TTYH2: variants seen among roughly 807,000 people sequenced by gnomAD.
TTYH2 encodes the protein tweety family member 2, also known as protein tweety homolog 2.
TTYH2 carries 49 observed loss-of-function variants against 68.3 expected under a neutral mutation model. The ratio of observed to expected loss-of-function variants is 0.72; its 90% CI spans 0.57 to 0.91. The LOEUF (loss-of-function observed/expected upper bound fraction) is 0.91, where lower values mean the gene tolerates loss of function less well. Ranked by LOEUF, TTYH2 falls within the 40% of genes least tolerant of loss-of-function variation. TTYH2 has a pLI of 0.00. For missense variants in TTYH2, 631 were observed against 700.4 expected, an observed-to-expected ratio of 0.90 and a Z score of 1.12; for synonymous variants, 272 against 300.8, an observed-to-expected ratio of 0.90 and a Z score of 0.99.
In TTYH2 at chr17:74,215,170, CGTGTGTGTGTGTGTGT is replaced by C. The variant is rs5822029; in HGVS notation, c.129+1473_129+1488del. ...AGGCGGATATGATTTCAGAAACAGC[CGTGTGTGTGTGTGTGT>C]GTGTGTGTGTGTGTGTGTCCCCATC... On this transcript the variant is annotated intron_variant, in intron 1 of 13. Coordinates refer to ENST00000269346, the MANE Select transcript of TTYH2 (RefSeq NM_032646.6). The surrounding 1 kb of genome is among the most constrained non-coding windows in gnomAD (Gnocchi z 4.3). Among the ~76,000 whole-genome samples, 25 of 147,384 alleles carry C rather than the reference CGTGTGTGTGTGTGTGT, an allele frequency of 1.7e-4. No individual in the cohort carries two copies. The highest frequency in any genetic ancestry group is 1.5e-3 in the Admixed American group (22 of 14,762).
At chr17:74,230,228 T>G (rs1347082405) in intron 2 of TTYH2, among the ~76,000 whole-genome samples, 1 of 151,938 alleles carries the variant, frequency 6.6e-6, no homozygotes, top group Non-Finnish European at 1.5e-5. Flanking sequence ...CCCTGTATGA[T>G]ATGGTAATGG....
chr17:74,227,983 C>CTTTCTTT (rs2050348209), intron 2 of TTYH2, among the ~76,000 whole-genome samples: 1 of 112,558 alleles, frequency 8.9e-6, no homozygotes, highest in African/African-American at 4.6e-5. Flanking sequence ...TCTTTTCTTT[C>CTTTCTTT]TTTTTTTTTT....
rs2050210539 is a variant in TTYH2, at chr17:74,215,183, G to A, written c.129+1467G>A. 6.6e-6 allele frequency among the ~76,000 whole-genome samples: 1 copy of A among 151,868 alleles called. No homozygotes were observed. The highest frequency in any genetic ancestry group is 2.1e-4 in the South Asian group (1 of 4,822). On this transcript the variant is annotated intron_variant, in intron 1 of 13. Transcript: ENST00000269346. This position sits in a 1 kb window ranked among gnomAD's most constrained non-coding sequence, Gnocchi z 4.3. ...TTCAGAAACAGCCGTGTGTGTGTGTGTGTGTGTGTGTGTGTGTGTGTCCCC... is the reference window on the plus strand; with the variant it reads ...TTCAGAAACAGCCGTGTGTGTGTGTATGTGTGTGTGTGTGTGTGTGTCCCC...
chr17:74,247,713 G>C (rs576463889), intron 6 of TTYH2, among the ~76,000 whole-genome samples: 2 of 152,206 alleles, frequency 1.3e-5, no homozygotes, highest in Non-Finnish European at 2.9e-5. Context: ...CTCCAGCCAG[G>C]GGGTGGGGGC....
intron 13 of TTYH2, among the ~76,000 whole-genome samples, chr17:74,257,146 G>C (rs2050701317): frequency 1.3e-5 from 2 of 152,210 alleles, no homozygotes; most frequent in Non-Finnish European, 2.9e-5. Flanking sequence ...AAATAAAAAT[G>C]ATTTTCAGAT....
intron 2 of TTYH2, among the ~76,000 whole-genome samples, chr17:74,229,062 G>A (rs1023936349): frequency 2.6e-5 from 4 of 152,138 alleles, no homozygotes; most frequent in African/African-American, 9.7e-5. Context: ...GGTTTAAGGA[G>A]GCAGGTGTCA....
chr17:74,260,309 C>T lies in TTYH2; in HGVS notation c.*100C>T. The T allele has an allele frequency of 1.6e-6, 2 of 1,240,784 alleles. No homozygotes were observed. The highest frequency in any genetic ancestry group is 2.3e-6 in the Non-Finnish European group (2 of 858,026). 76.9% of individuals were successfully genotyped at this position (1,240,784 alleles called of 1,614,324 possible). On this transcript the variant is annotated 3_prime_UTR_variant, in exon 14 of 14. Coordinates refer to ENST00000269346, the MANE Select transcript of TTYH2 (RefSeq NM_032646.6). Reference sequence around the variant, plus strand: ...AATAGAAACCAAAGGCATCTGGAGCCCGAGAGGCCTCCTGCTGTGGCAGAG... The same window carrying T: ...AATAGAAACCAAAGGCATCTGGAGCTCGAGAGGCCTCCTGCTGTGGCAGAG...
At chr17:74,248,287 G>A in intron 6 of TTYH2, 1 of 985,738 alleles carries the variant, frequency 1.0e-6, no homozygotes, top group Non-Finnish European at 1.2e-6. Context: ...GGGTGCGCCT[G>A]GCTTGGAGGC....
rs35094921 is a variant in TTYH2, at chr17:74,259,965, T to G, written c.1525-164T>G. The stretch of plus-strand genomic sequence containing the variant: ...AGCTGGTCTGTGTGTGCATTTTTTA[T>G]TTGAGGCTGGGAGGCAGAAGTCTTG... On this transcript the variant is annotated intron_variant, in intron 13 of 13. Transcript: ENST00000269346. 0.12 allele frequency among the ~76,000 whole-genome samples: 18,108 copies of G among 152,134 alleles called. 1,302 individuals carry two copies. Among genetic ancestry groups the G allele is most frequent in the Non-Finnish European group, 0.15 (10,478 of 67,996 alleles).
chr17:74,232,453 A>C lies in TTYH2; in HGVS notation c.414+1454A>C, dbSNP rs2143739985. Among the ~76,000 whole-genome samples, 1 of 152,290 alleles carries C rather than the reference A, an allele frequency of 6.6e-6. No individual in the cohort carries two copies. Among genetic ancestry groups the C allele is most frequent in the African/African-American group, 2.4e-5 (1 of 41,574 alleles). On this transcript the variant is annotated intron_variant, in intron 3 of 13. Coordinates refer to ENST00000269346, the MANE Select transcript of TTYH2 (RefSeq NM_032646.6). The surrounding 1 kb of genome is among the most constrained non-coding windows in gnomAD (Gnocchi z 5.1). ...AGCTGAGCGCTGAGTCCCAGTGCGG[A>C]GATGCTAGTCTGGAACAGCCTTGCG...
chr17:74,235,359 A>G (rs1472328085), intron 3 of TTYH2, among the ~76,000 whole-genome samples: 5 of 152,148 alleles, frequency 3.3e-5, no homozygotes, highest in Non-Finnish European at 5.9e-5. Context: ...AGTGTGGATT[A>G]GTGCACACTG....
chr17:74,220,965 T>C (rs1023893129), intron 1 of TTYH2, among the ~76,000 whole-genome samples: 2 of 152,156 alleles, frequency 1.3e-5, no homozygotes, highest in African/African-American at 2.4e-5. Context: ...TTTTTATTTT[T>C]TATTTTTTTG....
At chr17:74,224,881 C>T (rs932980716) in intron 2 of TTYH2, among the ~76,000 whole-genome samples, 2 of 152,114 alleles carry the variant, frequency 1.3e-5, no homozygotes, top group African/African-American at 4.8e-5. Context: ...TGCCTGTAAC[C>T]TCAGCTACTT....
chr17:74,244,042 C>A lies in TTYH2; in HGVS notation c.797C>A (p.Ala266Glu), dbSNP rs369516993. Residue 266 changes from alanine to glutamate, a missense_variant, in exon 6 of 14, where the codon GCG becomes GAG. Transcript: ENST00000269346. ...SWASLAADGS[A>E]AVATSDFCVA... ...GCATCCCTGGCCGCTGATGGCTCTGCGGCAGTGGTGAGTTGGGGGAGGGAG... is the reference window on the plus strand; with the variant it reads ...GCATCCCTGGCCGCTGATGGCTCTGAGGCAGTGGTGAGTTGGGGGAGGGAG... 11 of 1,610,848 alleles carry A rather than the reference C, an allele frequency of 6.8e-6. No individual in the cohort carries two copies. The highest frequency in any genetic ancestry group is 8.5e-6 in the Non-Finnish European group (10 of 1,179,620).
At chr17:74,221,881 C>T (rs980143335) in intron 1 of TTYH2, among the ~76,000 whole-genome samples, 8 of 152,148 alleles carry the variant, frequency 5.3e-5, no homozygotes, top group Admixed American at 2.6e-4. Context: ...GCTGGCTTCT[C>T]GATTCTCAGG....
chr17:74,221,175 A>G (rs1427940729), intron 1 of TTYH2, among the ~76,000 whole-genome samples: 1 of 152,106 alleles, frequency 6.6e-6, no homozygotes. Flanking sequence ...GGCTGCCCCC[A>G]TCACTTCAGC....
At chr17:74,248,696 G>C in intron 6 of TTYH2, 1 of 1,234,918 alleles carries the variant, frequency 8.1e-7, no homozygotes, top group Non-Finnish European at 1.0e-6. Flanking sequence ...AGAGGCATTC[G>C]GGAATAAGAG....
chr17:74,251,463 T>A (rs1206842394), intron 10 of TTYH2, among the ~76,000 whole-genome samples: 1 of 152,038 alleles, frequency 6.6e-6, no homozygotes, highest in African/African-American at 2.4e-5. Context: ...TGGGTTTAGA[T>A]CCTGGTAGTC....
rs1330641673 is a variant in TTYH2 at position 74,239,982 on chromosome 17, A to C, written c.635+2468A>C. ...AGGGCCTCATGTGGGCATTTTGTTA[A>C]TGACACTGATGGAATTAAGTCAGAA... On this transcript the variant is annotated intron_variant, in intron 4 of 13. Coordinates refer to ENST00000269346, the MANE Select transcript of TTYH2 (RefSeq NM_032646.6). This position sits in a 1 kb window ranked among gnomAD's most constrained non-coding sequence, Gnocchi z 5.3. Among the ~76,000 whole-genome samples the C allele has an allele frequency of 6.6e-6, 1 of 152,226 alleles. No homozygotes were observed. The highest frequency in any genetic ancestry group is 1.9e-4 in the East Asian group (1 of 5,200).
Sources: gnomAD v4.1 joint callset for allele counts (sites outside exome capture counted in the v4.1 genomes callset) on GRCh38, gnomAD v4.1.1 for gene constraint, Gnocchi (gnomAD v3.1) non-coding constraint, MANE v1.5 for transcripts, NCBI Gene and HGNC (gene_info 2026-07-23, HGNC 2026-07-21) for gene names.